Variants in PDE3A observed in about 807,000 individuals in gnomAD.
PDE3A encodes the protein phosphodiesterase 3A.
In PDE3A, 43 loss-of-function variants were observed where a neutral mutation model predicts 98.3. That is an observed-to-expected ratio of 0.44 (90% CI 0.34 to 0.56). PDE3A has a LOEUF of 0.56. Ranked by LOEUF, PDE3A falls within the 20% of genes least tolerant of loss-of-function variation. The pLI, the probability that PDE3A is intolerant of heterozygous loss-of-function variation, is 0.01. For synonymous variants in PDE3A, 663 were observed against 567.9 expected (o/e 1.17, Z -2.38); for missense variants, 1,427 against 1,440.7 (o/e 0.99, Z 0.15).
chr12:20,418,091 C>T (rs1944452209), intron 1 of PDE3A, among the ~76,000 whole-genome samples: 1 of 151,998 alleles, frequency 6.6e-6, no homozygotes, highest in South Asian at 2.1e-4. Context: ...TCCCCAGAGC[C>T]TCCCTGTAAG....
rs1945862766 is a variant in PDE3A, at chr12:20,683,711, A to T, written c.*3440A>T. 6.6e-6 allele frequency: 1 copy of T among 152,180 alleles called. No individual in the cohort carries two copies. The highest frequency in any genetic ancestry group is 2.1e-4 in the South Asian group (1 of 4,832). 9.4% of individuals were successfully genotyped at this position (152,180 alleles called of 1,614,324 possible). On this transcript the variant is annotated 3_prime_UTR_variant, in exon 16 of 16. Coordinates refer to ENST00000359062, the MANE Select transcript of PDE3A (RefSeq NM_000921.5). ...ATGAAGACAGTAGCTCTGTACAGGG[A>T]TATATCTATATTAGTCTTCATCTGA...
chr12:20,368,851 C>T lies in PDE3A; in HGVS notation c.-434C>T, dbSNP rs1243501398. Reference sequence around the variant, plus strand: ...GCGCCTCGGAATGGCCCGGAGCCCGCCCTGCGCCCCCGGCTCCTCCAGCGT... The same window carrying T: ...GCGCCTCGGAATGGCCCGGAGCCCGTCCTGCGCCCCCGGCTCCTCCAGCGT... On this transcript the variant is annotated 5_prime_UTR_variant, in exon 1 of 16. Transcript: ENST00000359062. 1.3e-5 allele frequency among the ~76,000 whole-genome samples: 2 copies of T among 152,006 alleles called. No homozygotes were observed. Among genetic ancestry groups the T allele is most frequent in the South Asian group, 2.1e-4 (1 of 4,828 alleles).
chr12:20,671,722 G>A lies in PDE3A; in HGVS notation c.3185-8308G>A, dbSNP rs1203230396. On this transcript the variant is annotated intron_variant, in intron 15 of 15. Transcript: ENST00000359062. ...TTTCAAAATAATAAGAGCTATCTAT[G>A]ACAAACCCACAGCCAATATCATACT... Among the ~76,000 whole-genome samples, 151 of 141,812 alleles carry A rather than the reference G, an allele frequency of 1.1e-3. 2 individuals carry two copies. The highest frequency in any genetic ancestry group is 3.7e-3 in the African/African-American group (141 of 38,110). The allele number at this position is 141,812 out of a possible 152,430, so 93.0% of individuals were successfully genotyped here.
intron 15 of PDE3A, among the ~76,000 whole-genome samples, chr12:20,667,339 T>C (rs1945340549): frequency 6.6e-6 from 1 of 152,178 alleles, no homozygotes; most frequent in African/African-American, 2.4e-5. Flanking sequence ...TTAATCATAA[T>C]AATCTTTGCT....
At chr12:20,394,518 A>G (rs1943972856) in intron 1 of PDE3A, among the ~76,000 whole-genome samples, 1 of 152,080 alleles carries the variant, frequency 6.6e-6, no homozygotes, top group Non-Finnish European at 1.5e-5. Flanking sequence ...TAATCTGAAG[A>G]GTTGCACCTG....
At chr12:20,395,990 C>T (rs974491478) in intron 1 of PDE3A, among the ~76,000 whole-genome samples, 8 of 151,910 alleles carry the variant, frequency 5.3e-5, no homozygotes, top group Admixed American at 2.6e-4. Flanking sequence ...TGAACACTTA[C>T]GCTCAAGTGA....
chr12:20,371,239 A>G, intron 1 of PDE3A: 1 of 336,196 alleles, frequency 3.0e-6, no homozygotes. Flanking sequence ...AAGGGCATAA[A>G]GGAACAAATC....
At chr12:20,598,497 C>T (rs1943517568) in intron 2 of PDE3A, among the ~76,000 whole-genome samples, 1 of 152,064 alleles carries the variant, frequency 6.6e-6, no homozygotes, top group African/African-American at 2.4e-5. Flanking sequence ...TTTTAAAATA[C>T]ATTTATGAGG....
At position 20,621,389 on chromosome 12, in the gene PDE3A, G is replaced by T. The variant is rs754465163; in HGVS notation, c.1518G>T (p.Lys506Asn). The T allele has an allele frequency of 6.2e-7, 1 of 1,608,606 alleles. No homozygotes were observed. The highest frequency in any genetic ancestry group is 8.5e-7 in the Non-Finnish European group (1 of 1,175,284). ...SYAISAANHV[K>N]AKKQSRPGAL... ...CTATTTCTGCAGCTAACCATGTAAA[G>T]GCTAAAAAGCAAAGTCGACCAGGTA... Residue 506 changes from lysine to asparagine, a missense_variant, in exon 5 of 16, where the codon AAG becomes AAT. Physicochemically the swap from Lys to Asn is moderately conservative, Grantham distance 94. Transcript: ENST00000359062.
Position 20,629,929 on chromosome 12 carries a change from C to T in PDE3A, c.1562C>T (p.Pro521Leu). 6.2e-7 allele frequency: 1 copy of T among 1,613,840 alleles called. No individual in the cohort carries two copies. Residue 521 changes from proline to leucine, a missense_variant, in exon 6 of 16, where the codon CCT (proline) becomes CTT (leucine). By Grantham distance (98) the Pro-to-Leu change is moderately conservative. Around this residue, in one of 3 missense-constraint regions of PDE3A, gnomAD observed 1,012 missense variants for 886.5 expected, o/e 1.14. Coordinates refer to ENST00000359062, the MANE Select transcript of PDE3A (RefSeq NM_000921.5). ...TCAGGTGCCCTCGCTAAAATTTCAC[C>T]TCTTTCATCGCCCTGCTCCTCACCT... ...SRPGALAKISPLSSPCSSPLQ... is the reference protein window; with the variant it reads ...SRPGALAKISLLSSPCSSPLQ...
At chr12:20,665,524 C>T (rs1457294398) in intron 15 of PDE3A, among the ~76,000 whole-genome samples, 1 of 152,108 alleles carries the variant, frequency 6.6e-6, no homozygotes, top group Non-Finnish European at 1.5e-5. Context: ...TTGTCCAAGG[C>T]TCCCTCACAG....
intron 1 of PDE3A, among the ~76,000 whole-genome samples, chr12:20,391,887 T>C (rs1287680095): frequency 6.6e-6 from 1 of 151,908 alleles, no homozygotes; most frequent in African/African-American, 2.4e-5. Context: ...GTCACCTCTT[T>C]TGTAGAACAA....
chr12:20,421,605 A>T (rs1182904879), intron 1 of PDE3A, among the ~76,000 whole-genome samples: 1 of 151,278 alleles, frequency 6.6e-6, no homozygotes, highest in Admixed American at 6.6e-5. Flanking sequence ...TAATAAAAAA[A>T]AAAAAAAAAA....
At chr12:20,596,511 C>T (rs956463522) in intron 2 of PDE3A, among the ~76,000 whole-genome samples, 1 of 152,112 alleles carries the variant, frequency 6.6e-6, no homozygotes, top group Admixed American at 6.5e-5. Context: ...GACTTGTAGA[C>T]AGATACATCA....
chr12:20,680,395 G>T lies in PDE3A; in HGVS notation c.*124G>T. ...ATGGGCAAATGGCTATTGCATTTTG[G>T]GATTCTTCGCATTTTGTGTGTATAT... is the stretch of plus-strand genomic sequence containing the variant. On this transcript the variant is annotated 3_prime_UTR_variant, in exon 16 of 16. Transcript: ENST00000359062. 1 of 997,840 alleles carries T rather than the reference G, an allele frequency of 1.0e-6. No homozygotes were observed. 61.8% of individuals were successfully genotyped at this position (997,840 alleles called of 1,614,324 possible). A position where few individuals can be genotyped will look rare whatever the true frequency, so the allele number is the denominator to read the frequency against.
intron 2 of PDE3A, among the ~76,000 whole-genome samples, chr12:20,612,400 C>T (rs550555433): frequency 9.3e-5 from 14 of 151,068 alleles, no homozygotes; most frequent in African/African-American, 2.7e-4. Flanking sequence ...ACCATTTCCT[C>T]CTTTGCTTAT....
chr12:20,527,037 G>C (rs1450437240), intron 1 of PDE3A, among the ~76,000 whole-genome samples: 1 of 151,702 alleles, frequency 6.6e-6, no homozygotes, highest in African/African-American at 2.4e-5. Context: ...TCCGGCCTCA[G>C]CCTCCCGAGT....
chr12:20,420,107 A>C (rs1297702635), intron 1 of PDE3A, among the ~76,000 whole-genome samples: 1 of 152,180 alleles, frequency 6.6e-6, no homozygotes, highest in African/African-American at 2.4e-5. Flanking sequence ...TGTCATCATA[A>C]TTTTTATTTA....
At chr12:20,580,990 A>T (rs1262629950) in intron 2 of PDE3A, among the ~76,000 whole-genome samples, 1 of 152,198 alleles carries the variant, frequency 6.6e-6, no homozygotes, top group South Asian at 2.1e-4. Flanking sequence ...AAGCAAATAG[A>T]GGGTTTCACT....
Sources: allele counts gnomAD v4.1 joint callset (sites outside exome capture counted in the v4.1 genomes callset), GRCh38; gene constraint gnomAD v4.1.1; regional missense constraint gnomAD v4.1.1; transcripts MANE v1.5; gene names NCBI Gene and HGNC (gene_info 2026-07-23, HGNC 2026-07-21).